The following SNX6 variants were observed in gnomAD, a reference collection of about 807,000 sequenced individuals.
SNX6 encodes the protein sorting nexin-6.
Under a neutral mutation model 63.0 loss-of-function variants are expected in SNX6, and 34 were observed. The ratio of observed to expected loss-of-function variants is 0.54; its 90% CI spans 0.41 to 0.72. The LOEUF is 0.72. Ranked by LOEUF, SNX6 falls within the 30% of genes least tolerant of loss-of-function variation. SNX6 has a pLI of 0.00. For missense variants in SNX6, 398 were observed against 471.4 expected, an observed-to-expected ratio of 0.84 and a Z score of 1.44; for synonymous variants, 170 against 164.2, an observed-to-expected ratio of 1.04 and a Z score of -0.27.
At chr14:34,602,320 A>G (rs1251594660) in intron 6 of SNX6, among the ~76,000 whole-genome samples, 1 of 151,466 alleles carries the variant, frequency 6.6e-6, no homozygotes, top group East Asian at 2.0e-4. Context: ...CAGCTACTTG[A>G]GAGTCTGAGG....
intron 13 of SNX6, among the ~76,000 whole-genome samples, chr14:34,566,997 T>C (rs898705026): frequency 6.6e-6 from 1 of 151,320 alleles, no homozygotes; most frequent in African/African-American, 2.4e-5. Context: ...CCGAGGCAGG[T>C]GTATCACCTC....
intron 6 of SNX6, among the ~76,000 whole-genome samples, chr14:34,601,165 G>A (rs3958): frequency 0.25 from 38,408 of 151,848 alleles, 6,215 homozygotes; most frequent in Non-Finnish European, 0.37. Context: ...ACAAGGCTTC[G>A]GAAGACTCCA....
chr14:34,568,786 T>C, intron 11 of SNX6: 1 of 968,054 alleles, frequency 1.0e-6, no homozygotes, highest in Non-Finnish European at 1.7e-6. Context: ...TTGGTCCTTT[T>C]CCACCATTTT....
chr14:34,615,520 C>A (rs1415528309), intron 2 of SNX6, among the ~76,000 whole-genome samples: 1 of 152,030 alleles, frequency 6.6e-6, no homozygotes. Flanking sequence ...CCGCACCTGG[C>A]TAAATTCTCT....
chr14:34,608,025 CT>C lies in SNX6; in HGVS notation c.270+4del. 1 of 1,470,508 alleles carries C rather than the reference CT, an allele frequency of 6.8e-7. No homozygotes were observed. 91.1% of individuals were successfully genotyped at this position (1,470,508 alleles called of 1,614,324 possible). On this transcript the variant is annotated splice_donor_region_variant and intron_variant, in intron 4 of 13. Transcript: ENST00000362031. ...ATGGAATTAAAATGGAGTCTCAATA[CT>C]TACGATATAACCTGCATAGTCTTCA... is the stretch of plus-strand genomic sequence containing the variant.
intron 9 of SNX6, among the ~76,000 whole-genome samples, chr14:34,582,739 C>T (rs564377269): frequency 6.6e-6 from 1 of 151,666 alleles, no homozygotes; most frequent in South Asian, 2.1e-4. Flanking sequence ...AATGGGGTTT[C>T]GCCATGTTGG....
chr14:34,584,328 G>C (rs550842489), intron 9 of SNX6, among the ~76,000 whole-genome samples: 61 of 151,628 alleles, frequency 4.0e-4, no homozygotes, highest in Non-Finnish European at 8.2e-4. Context: ...TTGAAACCAA[G>C]TCTTGCTCTG....
rs1400520631 is a variant in SNX6, at chr14:34,590,007, C to A, written c.718+3038G>T. ...TGGTGGCGCATGCCTGTGGTCCCAG[C>A]TACTTGGCAGGCTGAAGTGGAAGGA... On this transcript the variant is annotated intron_variant, in intron 8 of 13. Transcript: ENST00000362031. Among the ~76,000 whole-genome samples, 7 of 152,218 alleles carry A rather than the reference C, an allele frequency of 4.6e-5. No homozygotes were observed. In the East Asian group the frequency reaches 1.2e-3, roughly 25 times the overall value.
intron 4 of SNX6, among the ~76,000 whole-genome samples, chr14:34,606,987 C>T (rs1047610643): frequency 3.4e-5 from 5 of 147,552 alleles, no homozygotes; most frequent in African/African-American, 1.2e-4. Flanking sequence ...ACCATCTTGG[C>T]CAGGCTGGTC....
chr14:34,623,359 G>C (rs761356474), intron 2 of SNX6, among the ~76,000 whole-genome samples: 7 of 152,110 alleles, frequency 4.6e-5, no homozygotes, highest in Non-Finnish European at 8.8e-5. Flanking sequence ...GAATATGGGG[G>C]AGGGGATATT....
At chr14:34,568,939 T>A in intron 11 of SNX6, 9 of 1,331,214 alleles carry the variant, frequency 6.8e-6, no homozygotes, top group Non-Finnish European at 9.7e-6. Flanking sequence ...GAGGTACAGG[T>A]GCCACGCTGT....
Position 34,586,233 on chromosome 14 carries a change from CATAT to C in SNX6, c.787_790del (p.Ile263AlafsTer17). 1 of 1,587,936 alleles carries C rather than the reference CATAT, an allele frequency of 6.3e-7. No homozygotes were observed. Among genetic ancestry groups the C allele is most frequent in the Non-Finnish European group, 8.6e-7 (1 of 1,158,136 alleles). ...CGTTTTAAATTAGAACACTTACTTG[CATAT>C]ATCTGTAGAATCCTGAGTTCCTAAA... On this transcript the variant is annotated frameshift_variant, in exon 9 of 14. Transcript: ENST00000362031. LOFTEE classifies it high-confidence loss of function.
chr14:34,624,947 G>A (rs557954953), intron 2 of SNX6, among the ~76,000 whole-genome samples: 36 of 151,968 alleles, frequency 2.4e-4, no homozygotes, highest in African/African-American at 8.2e-4. Flanking sequence ...ACAGAGTCTC[G>A]CACTGTTGCC....
At chr14:34,618,105 T>C (rs1031548469) in intron 2 of SNX6, among the ~76,000 whole-genome samples, 1 of 152,082 alleles carries the variant, frequency 6.6e-6, no homozygotes, top group African/African-American at 2.4e-5. Context: ...GAAAATAACT[T>C]TGACTCTTAC....
chr14:34,589,638 C>A (rs1882313122), intron 8 of SNX6, among the ~76,000 whole-genome samples: 2 of 151,618 alleles, frequency 1.3e-5, no homozygotes, highest in Admixed American at 1.3e-4. Context: ...CCAGCCTGGG[C>A]AATATGGCAA....
At chr14:34,567,596 G>T (rs1881243682) in intron 13 of SNX6, 90 bp downstream of exon 13, 3 of 980,358 alleles carry the variant, frequency 3.1e-6, no homozygotes, top group Non-Finnish European at 4.7e-6. Context: ...ATCCCTATGA[G>T]AACTGACATT....
At chr14:34,624,143 C>G (rs1206368643) in intron 2 of SNX6, among the ~76,000 whole-genome samples, 2 of 152,126 alleles carry the variant, frequency 1.3e-5, no homozygotes, top group African/African-American at 2.4e-5. Flanking sequence ...TCTTGTCGCC[C>G]AGGCTGGAGT....
At chr14:34,585,131 C>G (rs949973554) in intron 9 of SNX6, among the ~76,000 whole-genome samples, 1 of 152,122 alleles carries the variant, frequency 6.6e-6, no homozygotes, top group Non-Finnish European at 1.5e-5. Context: ...AGATTACTGG[C>G]GTGAGCCACC....
In SNX6 at chr14:34,605,205, G is replaced by A. The variant is rs1474523684; in HGVS notation, c.392+391C>T. ...TTGAAAAAAGAGAACTAGGTTGGTA[G>A]TGACTAAGGCTTTGTAAATAGAAAA... is the stretch of plus-strand genomic sequence containing the variant. On this transcript the variant is annotated intron_variant, in intron 5 of 13. Transcript: ENST00000362031. Among the ~76,000 whole-genome samples the A allele has an allele frequency of 7.9e-5, 12 of 151,854 alleles. No individual in the cohort carries two copies. The East Asian group carries it at 2.3e-3, about 29-fold the overall frequency.
Sources: gnomAD v4.1 joint callset for allele counts (sites outside exome capture counted in the v4.1 genomes callset) on GRCh38, gnomAD v4.1.1 for gene constraint, MANE v1.5 for transcripts, NCBI Gene and HGNC (gene_info 2026-07-23, HGNC 2026-07-21) for gene names.